Variants in PAX7 observed in about 807,000 individuals in gnomAD.
PAX7 encodes the protein paired box 7, also known as paired box protein Pax-7.
PAX7 carries 18 observed loss-of-function variants against 50.7 expected under a neutral mutation model. The observed-to-expected ratio is 0.36, with a 90% confidence interval of 0.25 to 0.53. The LOEUF (loss-of-function observed/expected upper bound fraction) is 0.53. PAX7 is among the 20% of genes least tolerant of loss of function. The pLI is 0.93. For missense variants in PAX7, 644 were observed against 702.9 expected, an observed-to-expected ratio of 0.92 and a Z score of 0.95; for synonymous variants, 310 against 290.4, an observed-to-expected ratio of 1.07 and a Z score of -0.69.
intron 3 of PAX7, among the ~76,000 whole-genome samples, chr1:18,635,493 A>AGAAGGAAGGAAG (rs759818785): frequency 7.3e-5 from 5 of 68,792 alleles, no homozygotes; most frequent in African/African-American, 3.0e-4. Flanking sequence ...AAAGGGAGGA[A>AGAAGGAAGGAAG]GAAGGAAGGA....
chr1:18,637,229 G>C (rs1002970472), intron 4 of PAX7, among the ~76,000 whole-genome samples: 2 of 152,164 alleles, frequency 1.3e-5, no homozygotes, highest in South Asian at 2.1e-4. Flanking sequence ...AGGAAGTTTC[G>C]AGAGAAGGAA....
intron 4 of PAX7, among the ~76,000 whole-genome samples, chr1:18,647,711 C>A (rs2088368200): frequency 6.6e-6 from 1 of 152,160 alleles, no homozygotes; most frequent in Non-Finnish European, 1.5e-5. Context: ...ATATCACTCC[C>A]CCATCCTCTC....
chr1:18,679,993 C>G (rs960637400), intron 4 of PAX7, among the ~76,000 whole-genome samples: 1 of 152,116 alleles, frequency 6.6e-6, no homozygotes, highest in Admixed American at 6.5e-5. Flanking sequence ...TTACTGAGTA[C>G]CTGGAACTGT....
chr1:18,654,738 A>G (rs1162323753), intron 4 of PAX7, among the ~76,000 whole-genome samples: 1 of 152,276 alleles, frequency 6.6e-6, no homozygotes, highest in Non-Finnish European at 1.5e-5. Context: ...AGGATTTACC[A>G]TGAGCTAGAC....
intron 4 of PAX7, among the ~76,000 whole-genome samples, chr1:18,656,950 C>T (rs918383158): frequency 6.6e-6 from 1 of 152,130 alleles, no homozygotes; most frequent in Non-Finnish European, 1.5e-5. Context: ...CGTGATCACA[C>T]CACTGCACTG....
rs545366836 is a variant in PAX7, at chr1:18,705,038, C to T, written c.1155+1742C>T. Among the ~76,000 whole-genome samples, 15 of 152,272 alleles carry T rather than the reference C, an allele frequency of 9.9e-5. No homozygotes were observed. The South Asian group carries it at 1.2e-3, about 13-fold the overall frequency. On this transcript the variant is annotated intron_variant, in intron 7 of 8. Transcript: ENST00000420770. ...CTGCCTGCGGAGCTCCTAATGGTGA[C>T]GTATCAAGCCCTCTCAGGGTCCGCA...
At chr1:18,715,199 A>G (rs2089403290) in intron 7 of PAX7, among the ~76,000 whole-genome samples, 1 of 152,116 alleles carries the variant, frequency 6.6e-6, no homozygotes, top group Middle Eastern at 3.4e-3. Context: ...TCTCAAGCCC[A>G]CCCGTACTTC....
intron 5 of PAX7, among the ~76,000 whole-genome samples, chr1:18,695,428 G>C (rs938443352): frequency 2.0e-5 from 3 of 152,194 alleles, no homozygotes; most frequent in Non-Finnish European, 4.4e-5. Flanking sequence ...CTGCTGTCTT[G>C]AAGCTGGCAT....
At position 18,717,763 on chromosome 1, in the gene PAX7, T is replaced by C. The variant is rs34766228; in HGVS notation, c.1155+14467T>C. Among the ~76,000 whole-genome samples, 581 of 152,306 alleles carry C rather than the reference T, an allele frequency of 3.8e-3. 4 individuals carry two copies. Among genetic ancestry groups the C allele is most frequent in the Non-Finnish European group, 6.5e-3 (441 of 68,024 alleles). On this transcript the variant is annotated intron_variant, in intron 7 of 8. Transcript: ENST00000420770. Reference sequence around the variant, plus strand: ...TGGGCTCTCCTGAGGGTCTATTTTGTGCCCCATTCTGTGCACAGAGGATGC... The same window carrying C: ...TGGGCTCTCCTGAGGGTCTATTTTGCGCCCCATTCTGTGCACAGAGGATGC...
At chr1:18,712,749 C>CT (rs1459433842) in intron 7 of PAX7, among the ~76,000 whole-genome samples, 1 of 152,168 alleles carries the variant, frequency 6.6e-6, no homozygotes, top group Non-Finnish European at 1.5e-5. Flanking sequence ...GCCCACCTAT[C>CT]TGAGTCCGAA....
At chr1:18,724,661 A>G (rs1332750933) in intron 7 of PAX7, among the ~76,000 whole-genome samples, 4 of 152,174 alleles carry the variant, frequency 2.6e-5, no homozygotes, top group African/African-American at 4.8e-5. Context: ...AACCGACTCT[A>G]TTTACAACTT....
At chr1:18,641,958 C>G (rs989054809) in intron 4 of PAX7, among the ~76,000 whole-genome samples, 7 of 151,434 alleles carry the variant, frequency 4.6e-5, no homozygotes, top group Non-Finnish European at 4.4e-5. Context: ...TAACCTCCCC[C>G]CCCCCAACTC....
chr1:18,633,433 T>G (rs1422836080), intron 1 of PAX7, among the ~76,000 whole-genome samples: 1 of 152,168 alleles, frequency 6.6e-6, no homozygotes, highest in Non-Finnish European at 1.5e-5. Flanking sequence ...GTGATGCCTG[T>G]CTTCCCGGTT....
chr1:18,700,547 G>C lies in PAX7; in HGVS notation c.787-106G>C, dbSNP rs1004871287. On this transcript the variant is annotated intron_variant, in intron 5 of 8. Transcript: ENST00000420770. This position sits in a 1 kb window ranked among gnomAD's most constrained non-coding sequence, Gnocchi z 4.8. Reference sequence around the variant, plus strand: ...ATGCCGGGGCCTGCAGGAGGATGCTGGCTGGATCAGAGGGTGATGGCTTGG... The same window carrying C: ...ATGCCGGGGCCTGCAGGAGGATGCTCGCTGGATCAGAGGGTGATGGCTTGG... The C allele has an allele frequency of 9.5e-7, 1 of 1,052,588 alleles. No individual in the cohort carries two copies. Among genetic ancestry groups the C allele is most frequent in the African/African-American group, 1.7e-5 (1 of 60,548 alleles). The allele number at this position is 1,052,588 out of a possible 1,614,324, so 65.2% of individuals were successfully genotyped here.
rs928172680 is a variant in PAX7 at position 18,725,195 on chromosome 1, A to G, written c.1156-10437A>G. ...CCCTGAGTCCTTAACACGTTGTGAT[A>G]TGTGCCAGCTTGTCTGCCCAGGTAC... On this transcript the variant is annotated intron_variant, in intron 7 of 8. Coordinates refer to ENST00000420770, the MANE Select transcript of PAX7 (RefSeq NM_001135254.2). Among the ~76,000 whole-genome samples the G allele has an allele frequency of 5.9e-5, 9 of 151,828 alleles. No individual in the cohort carries two copies. In the East Asian group the frequency reaches 7.9e-4, roughly 13 times the overall value.
At chr1:18,702,568 G>T (rs1328922205) in intron 6 of PAX7, among the ~76,000 whole-genome samples, 1 of 152,090 alleles carries the variant, frequency 6.6e-6, no homozygotes, top group Non-Finnish European at 1.5e-5. Flanking sequence ...AACAGAGATG[G>T]CTCCAGAGTT....
At chr1:18,669,285 T>C (rs575619592) in intron 4 of PAX7, among the ~76,000 whole-genome samples, 17 of 152,320 alleles carry the variant, frequency 1.1e-4, no homozygotes, top group Non-Finnish European at 2.5e-4. Context: ...TGGTTCCACA[T>C]AGCAGGGGAG....
intron 4 of PAX7, among the ~76,000 whole-genome samples, chr1:18,664,700 G>A (rs2088643728): frequency 6.6e-6 from 1 of 152,146 alleles, no homozygotes; most frequent in South Asian, 2.1e-4. Context: ...GGCAGGGGCA[G>A]CTTGGGACCA....
chr1:18,647,227 G>A (rs953873645), intron 4 of PAX7, among the ~76,000 whole-genome samples: 2 of 152,154 alleles, frequency 1.3e-5, no homozygotes, highest in African/African-American at 4.8e-5. Flanking sequence ...CCTGGGCTCC[G>A]CCGCCACTGC....
Sources: gnomAD v4.1 joint callset for allele counts (sites outside exome capture counted in the v4.1 genomes callset) on GRCh38, gnomAD v4.1.1 for gene constraint, Gnocchi (gnomAD v3.1) non-coding constraint, MANE v1.5 for transcripts, NCBI Gene and HGNC (gene_info 2026-07-23, HGNC 2026-07-21) for gene names.